PTPN4: variants seen among roughly 807,000 people sequenced by gnomAD.
The protein encoded by PTPN4 is tyrosine-protein phosphatase non-receptor type 4.
In PTPN4, 49 loss-of-function variants were observed where a neutral mutation model predicts 135.5. That is an observed-to-expected ratio of 0.36 (90% CI 0.29 to 0.46). The LOEUF is 0.46. Ranked by LOEUF, PTPN4 falls within the 20% of genes least tolerant of loss-of-function variation. The pLI, the probability that PTPN4 is intolerant of heterozygous loss-of-function variation, is 1.00. For missense variants in PTPN4, 860 were observed against 1,101.0 expected, an observed-to-expected ratio of 0.78 and a Z score of 3.10; for synonymous variants, 333 against 369.9, an observed-to-expected ratio of 0.90 and a Z score of 1.14.
intron 10 of PTPN4, among the ~76,000 whole-genome samples, chr2:119,905,722 C>T (rs1048985310): frequency 2.0e-5 from 3 of 152,148 alleles, no homozygotes; most frequent in African/African-American, 7.2e-5. Flanking sequence ...GGCCACAAAA[C>T]AAGTCTCAAA....
intron 3 of PTPN4, among the ~76,000 whole-genome samples, chr2:119,865,228 T>C (rs1334327464): frequency 6.6e-6 from 1 of 152,120 alleles, no homozygotes; most frequent in Non-Finnish European, 1.5e-5. Flanking sequence ...ATTCTAGTTG[T>C]CAATGTGAAA....
intron 1 of PTPN4, among the ~76,000 whole-genome samples, chr2:119,777,923 T>C (rs535175520): frequency 1.7e-4 from 26 of 152,194 alleles, no homozygotes; most frequent in African/African-American, 5.8e-4. Context: ...CTCAAAGTGC[T>C]GGGATTATAG....
At chr2:119,845,280 GGGAGAGGGAGAGGGAGAGGGC>G (rs1199956096) in intron 2 of PTPN4, among the ~76,000 whole-genome samples, 2 of 140,524 alleles carry the variant, frequency 1.4e-5, no homozygotes, top group African/African-American at 5.2e-5. Flanking sequence ...GAGAGGGAGA[GGGAGAGGGAGAGGGAGAGGGC>G]ATTTTTCTTT....
At chr2:119,778,892 A>G (rs1376917109) in intron 1 of PTPN4, among the ~76,000 whole-genome samples, 5 of 150,598 alleles carry the variant, frequency 3.3e-5, no homozygotes, top group Admixed American at 6.6e-5. Flanking sequence ...CAGATGATTG[A>G]TTTTGCACAT....
At chr2:119,951,007 G>A (rs1190447090) in intron 18 of PTPN4, among the ~76,000 whole-genome samples, 6 of 152,164 alleles carry the variant, frequency 3.9e-5, no homozygotes, top group Non-Finnish European at 7.3e-5. Flanking sequence ...TTTGTATCCT[G>A]TAATTCAAAA....
At chr2:119,763,392 G>T (rs933026949) in intron 1 of PTPN4, among the ~76,000 whole-genome samples, 3 of 152,162 alleles carry the variant, frequency 2.0e-5, no homozygotes, top group African/African-American at 7.2e-5. Flanking sequence ...AGGACCCAGA[G>T]GGGAAGAGTG....
Position 119,862,644 on chromosome 2 carries a change from G to T in PTPN4, c.246+1G>T. Reference sequence around the variant, plus strand: ...GGCTGATGATTCCACAGATAACCCAGTAAGTGTAAGATTTTGTCTTTCATT... The same window carrying T: ...GGCTGATGATTCCACAGATAACCCATTAAGTGTAAGATTTTGTCTTTCATT... On this transcript the variant is annotated splice_donor_variant, in intron 3 of 26. Transcript: ENST00000263708. LOFTEE classifies it high-confidence loss of function. The T allele has an allele frequency of 6.3e-7, 1 of 1,596,466 alleles. No homozygotes were observed. Among genetic ancestry groups the T allele is most frequent in the South Asian group, 1.1e-5 (1 of 89,722 alleles).
chr2:119,974,449 T>A (rs1679584985), intron 26 of PTPN4, among the ~76,000 whole-genome samples: 1 of 152,090 alleles, frequency 6.6e-6, no homozygotes, highest in African/African-American at 2.4e-5. Flanking sequence ...CCTCAGGTGA[T>A]CCACCCGCCT....
At chr2:119,857,259 G>A (rs542992478) in intron 2 of PTPN4, among the ~76,000 whole-genome samples, 14 of 152,146 alleles carry the variant, frequency 9.2e-5, no homozygotes, top group Admixed American at 8.5e-4. Flanking sequence ...TGCAGGGCAC[G>A]GTGGCTCATG....
intron 2 of PTPN4, among the ~76,000 whole-genome samples, chr2:119,844,952 G>A (rs1207363595): frequency 6.6e-6 from 1 of 151,142 alleles, no homozygotes; most frequent in Non-Finnish European, 1.5e-5. Context: ...CTGCACTCCA[G>A]CCTGGGCACC....
In PTPN4 at chr2:119,952,109, T is replaced by C. The variant is rs202239321; in HGVS notation, c.1793T>C (p.Met598Thr). 163 of 1,612,618 alleles carry C rather than the reference T, an allele frequency of 1.0e-4. No homozygotes were observed. Among genetic ancestry groups the C allele is most frequent in the Middle Eastern group, 3.3e-4 (2 of 6,072 alleles). Residue 598 changes from methionine to threonine, a missense_variant, in exon 19 of 27, where the codon ATG (methionine) becomes ACG (threonine). By Grantham distance (81) the Met-to-Thr change is moderately conservative. This residue lies in a region of PTPN4 where 684 missense variants were observed against 807.0 expected (regional missense o/e 0.85). Coordinates refer to ENST00000263708, the MANE Select transcript of PTPN4 (RefSeq NM_002830.4). ...ASCERHSGEL[M>T]LLVRPNAVYD... ...TGTGAGAGACATTCTGGGGAACTCA[T>C]GCTTCTAGTTCGACCTAATGGTGAG...
intron 13 of PTPN4, among the ~76,000 whole-genome samples, chr2:119,929,477 C>T (rs975281451): frequency 6.6e-6 from 1 of 151,762 alleles, no homozygotes; most frequent in Non-Finnish European, 1.5e-5. Context: ...TCTTTGTGTT[C>T]GCCTCAGCAG....
chr2:119,974,120 G>A (rs1679579341), intron 26 of PTPN4, among the ~76,000 whole-genome samples: 2 of 152,154 alleles, frequency 1.3e-5, no homozygotes, highest in South Asian at 4.1e-4. Flanking sequence ...CAAGGGTGAT[G>A]ACTTAAATTT....
chr2:119,776,149 G>A (rs1244529433), intron 1 of PTPN4, among the ~76,000 whole-genome samples: 1 of 152,098 alleles, frequency 6.6e-6, no homozygotes. Context: ...GTAGAAGAAC[G>A]ATTGGTACCA....
chr2:119,760,098 C>G lies in PTPN4; in HGVS notation c.-304C>G. ...AGGATTGGGGCCAGGCCCCCTCCCC[C>G]ACGCACTTTTGGGGGTGTGGATTAT... is the stretch of plus-strand genomic sequence containing the variant. On this transcript the variant is annotated 5_prime_UTR_variant, in exon 1 of 27. Coordinates refer to ENST00000263708, the MANE Select transcript of PTPN4 (RefSeq NM_002830.4). 1 of 387,224 alleles carries G rather than the reference C, an allele frequency of 2.6e-6. No homozygotes were observed. Among genetic ancestry groups the G allele is most frequent in the East Asian group, 3.7e-5 (1 of 27,176 alleles). 24.0% of individuals were successfully genotyped at this position (387,224 alleles called of 1,614,324 possible). A position where few individuals can be genotyped will look rare whatever the true frequency, so the allele number is the denominator to read the frequency against.
At chr2:119,884,983 A>C (rs1169059063) in intron 8 of PTPN4, among the ~76,000 whole-genome samples, 2 of 152,154 alleles carry the variant, frequency 1.3e-5, no homozygotes, top group African/African-American at 4.8e-5. Flanking sequence ...AATAGGAGTA[A>C]ATCTATTTTT....
At chr2:119,938,690 G>T (rs1679020606) in intron 15 of PTPN4, among the ~76,000 whole-genome samples, 1 of 152,044 alleles carries the variant, frequency 6.6e-6, no homozygotes, top group South Asian at 2.1e-4. Context: ...CAAAAAAAGG[G>T]ATTTAAAATA....
chr2:119,910,659 A>G (rs1207181032), intron 10 of PTPN4, among the ~76,000 whole-genome samples: 1 of 152,124 alleles, frequency 6.6e-6, no homozygotes, highest in African/African-American at 2.4e-5. Context: ...TTGTGTTCTC[A>G]TGATAATGAG....
In PTPN4 at chr2:119,862,522, T is replaced by C. The variant is rs766251413; in HGVS notation, c.139-14T>C. The C allele has an allele frequency of 6.3e-7, 1 of 1,587,804 alleles. No individual in the cohort carries two copies. Among genetic ancestry groups the C allele is most frequent in the Non-Finnish European group, 8.6e-7 (1 of 1,168,048 alleles). ...TCAAAGTTGATTTCATTCAATTTTTTTTTTTTTTTACAGAAACATGATCAG... is the reference window on the plus strand; with the variant it reads ...TCAAAGTTGATTTCATTCAATTTTTCTTTTTTTTTACAGAAACATGATCAG... On this transcript the variant is annotated splice_polypyrimidine_tract_variant and intron_variant, in intron 2 of 26. Coordinates refer to ENST00000263708, the MANE Select transcript of PTPN4 (RefSeq NM_002830.4).
Sources: gnomAD v4.1 joint callset for allele counts (sites outside exome capture counted in the v4.1 genomes callset) on GRCh38, gnomAD v4.1.1 for gene constraint, gnomAD v4.1.1 regional missense constraint, MANE v1.5 for transcripts, NCBI Gene and HGNC (gene_info 2026-07-23, HGNC 2026-07-21) for gene names.